ROR1: variants seen among roughly 807,000 people sequenced by gnomAD.
ROR1 encodes inactive tyrosine-protein kinase transmembrane receptor ROR1.
A neutral mutation model predicts 78.8 loss-of-function variants in ROR1; 19 were observed. That is an observed-to-expected ratio of 0.24 (90% CI 0.17 to 0.35). The LOEUF is 0.35. ROR1 is among the 10% of genes least tolerant of loss of function. ROR1 has a pLI of 1.00. For missense variants in ROR1, 917 were observed against 1,177.8 expected, an observed-to-expected ratio of 0.78 and a Z score of 3.24; for synonymous variants, 386 against 433.6, an observed-to-expected ratio of 0.89 and a Z score of 1.36.
chr1:63,828,410 C>G (rs1049797001), intron 1 of ROR1, among the ~76,000 whole-genome samples: 1 of 152,060 alleles, frequency 6.6e-6, no homozygotes, highest in African/African-American at 2.4e-5. Context: ...GATCAGAAAG[C>G]CACAGTTCAT....
chr1:64,053,214 C>G (rs902549981), intron 4 of ROR1, among the ~76,000 whole-genome samples: 22 of 152,208 alleles, frequency 1.4e-4, no homozygotes, highest in African/African-American at 4.8e-4. Flanking sequence ...TATGACCCAA[C>G]TCTAACATTC....
At chr1:64,031,517 T>G (rs993947689) in intron 2 of ROR1, among the ~76,000 whole-genome samples, 1 of 152,258 alleles carries the variant, frequency 6.6e-6, no homozygotes, top group Non-Finnish European at 1.5e-5. Context: ...TTGGGTCATC[T>G]TGTTCTTTTT....
rs539421891 is a variant in ROR1 at position 63,900,910 on chromosome 1, A to G, written c.92-108395A>G. The stretch of plus-strand genomic sequence containing the variant: ...AACACTTAACATGGCTCTGTGGGCC[A>G]GGCATTCTCCTATGCACATTACAAA... On this transcript the variant is annotated intron_variant, in intron 1 of 8. Transcript: ENST00000371079. Among the ~76,000 whole-genome samples, 21 of 152,328 alleles carry G rather than the reference A, an allele frequency of 1.4e-4. No homozygotes were observed. In the East Asian group the frequency reaches 2.5e-3, roughly 18 times the overall value.
intron 4 of ROR1, among the ~76,000 whole-genome samples, chr1:64,088,702 A>C (rs1212982280): frequency 6.6e-6 from 1 of 152,152 alleles, no homozygotes; most frequent in African/African-American, 2.4e-5. Context: ...TAAATAATTA[A>C]ATCAGGCCCA....
At chr1:63,976,287 A>G (rs551002211) in intron 1 of ROR1, among the ~76,000 whole-genome samples, 1 of 152,312 alleles carries the variant, frequency 6.6e-6, no homozygotes, top group East Asian at 1.9e-4. Flanking sequence ...ACAGCCAGGA[A>G]AGGATTGCAT....
chr1:64,151,882 C>A (rs1225743132), intron 7 of ROR1, among the ~76,000 whole-genome samples: 54 of 141,146 alleles, frequency 3.8e-4, no homozygotes, highest in South Asian at 7.1e-4. Context: ...CACTCCGTCT[C>A]AAAAAAAAAA....
intron 4 of ROR1, among the ~76,000 whole-genome samples, chr1:64,078,876 G>A (rs1647074966): frequency 6.6e-6 from 1 of 152,172 alleles, no homozygotes. Context: ...AGGAGTAAAA[G>A]TTTGGAGTCA....
chr1:63,912,380 G>T (rs1645578421), intron 1 of ROR1, among the ~76,000 whole-genome samples: 1 of 151,842 alleles, frequency 6.6e-6, no homozygotes, highest in Admixed American at 6.6e-5. Flanking sequence ...GGAAGATAAA[G>T]TTTATTATAA....
intron 2 of ROR1, among the ~76,000 whole-genome samples, chr1:64,012,084 A>G (rs1383273750): frequency 6.6e-6 from 1 of 152,214 alleles, no homozygotes; most frequent in Admixed American, 6.5e-5. Flanking sequence ...GGTTCCAGAA[A>G]TGAAGAACAA....
At chr1:63,836,349 T>A (rs75890476) in intron 1 of ROR1, among the ~76,000 whole-genome samples, 4,397 of 152,288 alleles carry the variant, frequency 0.029, 71 homozygotes, top group South Asian at 0.049. Flanking sequence ...TCTGAACCAG[T>A]GGAAAAACTA....
intron 4 of ROR1, among the ~76,000 whole-genome samples, chr1:64,076,040 A>C (rs1245705143): frequency 1.3e-5 from 2 of 152,180 alleles, no homozygotes; most frequent in African/African-American, 2.4e-5. Flanking sequence ...TCTTCCTGTC[A>C]GCTCAGTTCT....
chr1:64,013,223 C>T (rs59421514), intron 2 of ROR1, among the ~76,000 whole-genome samples: 23 of 152,050 alleles, frequency 1.5e-4, no homozygotes, highest in Non-Finnish European at 2.5e-4. Flanking sequence ...AAATATCATG[C>T]GTACTTCAAC....
At chr1:63,874,419 C>G (rs905446872) in intron 1 of ROR1, among the ~76,000 whole-genome samples, 1 of 151,984 alleles carries the variant, frequency 6.6e-6, no homozygotes, top group Non-Finnish European at 1.5e-5. Context: ...TAGTGCAGGA[C>G]AGGATACATG....
At chr1:63,808,659 T>A (rs1644843088) in intron 1 of ROR1, among the ~76,000 whole-genome samples, 1 of 152,162 alleles carries the variant, frequency 6.6e-6, no homozygotes, top group South Asian at 2.1e-4. Context: ...TTCACCGTAT[T>A]TCATTGGCCA....
chr1:63,813,623 A>G (rs896027442), intron 1 of ROR1, among the ~76,000 whole-genome samples: 2 of 152,184 alleles, frequency 1.3e-5, no homozygotes, highest in African/African-American at 4.8e-5. Flanking sequence ...GTGGCCCCCA[A>G]ATTATTTTGT....
intron 4 of ROR1, among the ~76,000 whole-genome samples, chr1:64,070,629 GT>G (rs141689484): frequency 0.021 from 3,220 of 152,182 alleles, 130 homozygotes; most frequent in African/African-American, 0.074. Flanking sequence ...CTATGCTTTA[GT>G]TTTTTCATCT....
intron 1 of ROR1, among the ~76,000 whole-genome samples, chr1:63,848,575 T>C (rs993375346): frequency 4.2e-4 from 64 of 152,336 alleles, no homozygotes; most frequent in African/African-American, 1.5e-3. Flanking sequence ...TGGAGGCCTG[T>C]GGTACTTTCT....
intron 1 of ROR1, among the ~76,000 whole-genome samples, chr1:63,866,758 T>G (rs570341670): frequency 6.6e-6 from 1 of 152,358 alleles, no homozygotes; most frequent in East Asian, 1.9e-4. Flanking sequence ...TTAAGAAGGC[T>G]TTATAGAGAA....
chr1:64,044,610 A>T (rs1410160201), intron 2 of ROR1, among the ~76,000 whole-genome samples: 1 of 152,220 alleles, frequency 6.6e-6, no homozygotes, highest in Non-Finnish European at 1.5e-5. Context: ...CAGTATACGT[A>T]AAGTACTCCT....
Sources: gnomAD v4.1 joint callset for allele counts (sites outside exome capture counted in the v4.1 genomes callset) on GRCh38, gnomAD v4.1.1 for gene constraint, MANE v1.5 for transcripts, NCBI Gene and HGNC (gene_info 2026-07-23, HGNC 2026-07-21) for gene names.